Variants in PLCE1 observed in about 807,000 individuals in gnomAD.
The protein encoded by PLCE1 is 1-phosphatidylinositol 4,5-bisphosphate phosphodiesterase epsilon-1.
A neutral mutation model predicts 242.8 loss-of-function variants in PLCE1; 119 were observed. The ratio of observed to expected loss-of-function variants is 0.49; its 90% CI spans 0.42 to 0.57. PLCE1 has a LOEUF of 0.57. PLCE1 is among the 20% of genes least tolerant of loss of function. PLCE1 has a pLI of 0.00. For synonymous variants in PLCE1, 945 were observed against 1,017.4 expected, an observed-to-expected ratio of 0.93 and a Z score of 1.35; for missense variants, 2,441 against 2,788.8, an observed-to-expected ratio of 0.88 and a Z score of 2.81.
At chr10:94,222,844 C>T (rs4561126) in intron 4 of PLCE1, among the ~76,000 whole-genome samples, 59,143 of 152,026 alleles carry the variant, frequency 0.39, 11,841 homozygotes, top group East Asian at 0.62. Context: ...AGATAAACAG[C>T]CCTTGCAGAC....
intron 2 of PLCE1, among the ~76,000 whole-genome samples, chr10:94,093,930 A>ATT (rs1554852849): frequency 3.2e-5 from 3 of 93,050 alleles, no homozygotes; most frequent in African/African-American, 1.5e-4. Context: ...TTTAATCGGT[A>ATT]TTTCTTTTTT....
chr10:94,205,305 AG>A (rs149904583), intron 4 of PLCE1, among the ~76,000 whole-genome samples: 3,763 of 152,278 alleles, frequency 0.025, 136 homozygotes, highest in African/African-American at 0.079. Flanking sequence ...AGAGAGAGGG[AG>A]GGGATTTCAT....
chr10:94,035,171 G>C (rs779893223), intron 2 of PLCE1, among the ~76,000 whole-genome samples: 124 of 152,200 alleles, frequency 8.1e-4, no homozygotes, highest in East Asian at 7.7e-4. Context: ...AAAATGCAGT[G>C]GTTTAAAAAA....
intron 2 of PLCE1, chr10:94,088,977 C>T (rs931589564): frequency 4.5e-6 from 5 of 1,123,030 alleles, no homozygotes; most frequent in East Asian, 2.6e-5. Context: ...AGCCCTCCCT[C>T]GATTCTGGGT....
chr10:94,182,449 T>TG (rs1333419705), intron 4 of PLCE1, among the ~76,000 whole-genome samples: 4 of 148,680 alleles, frequency 2.7e-5, no homozygotes, highest in Non-Finnish European at 5.9e-5. Flanking sequence ...TTTTTTTTTT[T>TG]AGTAGAGATG....
intron 4 of PLCE1, among the ~76,000 whole-genome samples, chr10:94,214,939 A>G (rs1224680965): frequency 3.3e-5 from 5 of 152,086 alleles, no homozygotes; most frequent in African/African-American, 1.2e-4. Context: ...TGCGTAAGCT[A>G]TGTTCTTGTC....
At chr10:94,297,622 A>AAAAAAAAAAAAAAAAAAAAAAAAAAAG (rs1564873283) in intron 23 of PLCE1, among the ~76,000 whole-genome samples, 1 of 110,206 alleles carries the variant, frequency 9.1e-6, no homozygotes, top group African/African-American at 3.5e-5. Context: ...AAAAAAAAAA[A>AAAAAAAAAAAAAAAAAAAAAAAAAAAG]AAAAAGTGCA....
rs1309749962 is a variant in PLCE1, at chr10:94,154,881, A to AAT, written c.1493-16287_1493-16286dup. Among the ~76,000 whole-genome samples, 38 of 147,132 alleles carry AAT rather than the reference A, an allele frequency of 2.6e-4. 1 individual carries two copies. The highest frequency in any genetic ancestry group is 7.0e-4 in the African/African-American group (28 of 40,098). ...TGGCAAGACCCCTGTCTCTATTTTA[A>AAT]ATATATATATATACATATATATATA... On this transcript the variant is annotated intron_variant, in intron 3 of 32. Transcript: ENST00000371380.
Position 94,255,878 on chromosome 10 carries a change from TCACACA to T in PLCE1, c.3554+861_3554+866del, listed in dbSNP as rs1206355849. Among the ~76,000 whole-genome samples, 10 of 66,746 alleles carry T rather than the reference TCACACA, an allele frequency of 1.5e-4. No individual in the cohort carries two copies. The East Asian group carries it at 2.4e-3, about 16-fold the overall frequency. 43.8% of individuals were successfully genotyped at this position (66,746 alleles called of 152,430 possible). A position where few individuals can be genotyped will look rare whatever the true frequency, so the allele number is the denominator to read the frequency against. Reference sequence around the variant, plus strand: ...TAAAACAGGAACTCTTTACTTTATCTCACACACACACACACACACACACACACACAC... The same window carrying T: ...TAAAACAGGAACTCTTTACTTTATCTCACACACACACACACACACACACAC... On this transcript the variant is annotated intron_variant, in intron 11 of 32. Transcript: ENST00000371380.
chr10:94,234,436 A>G, intron 6 of PLCE1, 124 bp downstream of exon 6: 1 of 1,051,822 alleles, frequency 9.5e-7, no homozygotes, highest in Non-Finnish European at 1.4e-6. Flanking sequence ...TTGTTATATT[A>G]TTTCTGGGTA....
intron 22 of PLCE1, among the ~76,000 whole-genome samples, chr10:94,291,334 C>T (rs1204057208): frequency 3.3e-5 from 5 of 152,162 alleles, no homozygotes. Flanking sequence ...TCTGCTCAAA[C>T]TTCCATCTCG....
At chr10:94,058,621 G>A (rs1408371487) in intron 2 of PLCE1, among the ~76,000 whole-genome samples, 2 of 152,102 alleles carry the variant, frequency 1.3e-5, no homozygotes. Flanking sequence ...GCAGAGTTGA[G>A]TGGGTCATCT....
chr10:94,114,767 T>C lies in PLCE1; in HGVS notation c.1207-17407T>C, dbSNP rs764046503. The stretch of plus-strand genomic sequence containing the variant: ...TGTTGTTCTTGCACAGTTCTTTTTT[T>C]TTTTTAATACTTTAAGTTCTAGGGT... On this transcript the variant is annotated intron_variant, in intron 2 of 32. Transcript: ENST00000371380. Among the ~76,000 whole-genome samples the C allele has an allele frequency of 8.3e-3, 1,262 of 151,472 alleles. 6 individuals are homozygous for C. Among genetic ancestry groups the C allele is most frequent in the Non-Finnish European group, 0.014 (980 of 68,008 alleles).
At chr10:94,325,830 G>A (rs778018523) in intron 32 of PLCE1, among the ~76,000 whole-genome samples, 4 of 151,914 alleles carry the variant, frequency 2.6e-5, no homozygotes, top group East Asian at 1.9e-4. Flanking sequence ...TGGATTTCTC[G>A]TTTTATTACT....
intron 3 of PLCE1, among the ~76,000 whole-genome samples, chr10:94,168,000 A>G (rs2047861587): frequency 6.6e-6 from 1 of 152,122 alleles, no homozygotes; most frequent in Non-Finnish European, 1.5e-5. Context: ...AATGACTATT[A>G]ACTGAAGAAT....
At chr10:94,254,362 AAAG>A in intron 10 of PLCE1, 55 bp downstream of exon 10, 1 of 1,175,338 alleles carries the variant, frequency 8.5e-7, no homozygotes, top group South Asian at 1.2e-5. Context: ...TGTGGGAAAA[AAAG>A]TATACATTTG....
At chr10:94,271,995 T>C (rs941116834) in intron 18 of PLCE1, among the ~76,000 whole-genome samples, 7 of 152,148 alleles carry the variant, frequency 4.6e-5, no homozygotes, top group Non-Finnish European at 1.0e-4. Context: ...ATCACATGCT[T>C]CTGAGGAAAC....
At chr10:94,299,777 A>G (rs2133553515) in intron 24 of PLCE1, among the ~76,000 whole-genome samples, 1 of 152,350 alleles carries the variant, frequency 6.6e-6, no homozygotes, top group Admixed American at 6.5e-5. Flanking sequence ...ACATATGATT[A>G]GAGATATTGG....
At chr10:94,301,989 A>G in intron 24 of PLCE1, among the ~76,000 whole-genome samples, 1 of 152,328 alleles carries the variant, frequency 6.6e-6, no homozygotes, top group Non-Finnish European at 1.5e-5. Context: ...GAAGACCATC[A>G]AGGCAATGGT....
Sources: gnomAD v4.1 joint callset for allele counts (sites outside exome capture counted in the v4.1 genomes callset) on GRCh38, gnomAD v4.1.1 for gene constraint, MANE v1.5 for transcripts, NCBI Gene and HGNC (gene_info 2026-07-23, HGNC 2026-07-21) for gene names.